Variants in FABP12 observed in about 807,000 individuals in gnomAD.
FABP12 encodes fatty acid-binding protein 12.
FABP12 carries 19 observed loss-of-function variants against 13.7 expected under a neutral mutation model. That is an observed-to-expected ratio of 1.39 (90% CI 0.97 to 2.04). The LOEUF (loss-of-function observed/expected upper bound fraction) is 2.04. FABP12 is among the 30% of genes most tolerant of loss of function. The probability of loss-of-function intolerance (pLI) is 0.00; values close to 1 mark genes in which losing one functional copy is unlikely to be tolerated. For synonymous variants in FABP12, 61 were observed against 57.0 expected (o/e 1.07, Z -0.32); for missense variants, 182 against 164.2 (o/e 1.11, Z -0.59).
chr8:81,529,849 T>C (rs7831647), intron 2 of FABP12, among the ~76,000 whole-genome samples: 52,749 of 152,084 alleles, frequency 0.35, 12,278 homozygotes, highest in African/African-American at 0.68. Flanking sequence ...AAAAAAAATC[T>C]GTCTCTAGTT....
At chr8:81,568,764 T>C (rs912187750) in intron 1 of FABP12, among the ~76,000 whole-genome samples, 1 of 152,198 alleles carries the variant, frequency 6.6e-6, no homozygotes, top group Admixed American at 6.5e-5. Flanking sequence ...AAAGAAAATG[T>C]AGTACATATA....
chr8:81,526,268 G>A (rs1185194047), intron 4 of FABP12: 1 of 152,052 alleles, frequency 6.6e-6, no homozygotes, highest in East Asian at 1.9e-4. Flanking sequence ...ACTCATTTTG[G>A]TATAGGTGGG....
At position 81,526,886 on chromosome 8, in the gene FABP12, T is replaced by G; in HGVS notation, c.348+134A>C. On this transcript the variant is annotated intron_variant, in intron 4 of 4. Transcript: ENST00000360464. ...TAATGCTTACGATTATACATTTATCTCATAATTTTTTTCTCATTCTTTAAA... is the reference window on the plus strand; with the variant it reads ...TAATGCTTACGATTATACATTTATCGCATAATTTTTTTCTCATTCTTTAAA... 5.1e-6 allele frequency: 3 copies of G among 589,974 alleles called. No homozygotes were observed. The Admixed American group carries it at 1.0e-4, about 20-fold the overall frequency. The allele number at this position is 589,974 out of a possible 1,614,324, so 36.5% of individuals were successfully genotyped here. A position where few individuals can be genotyped will look rare whatever the true frequency, so the allele number is the denominator to read the frequency against.
At chr8:81,579,572 C>CT (rs1244010258) in intron 1 of FABP12, among the ~76,000 whole-genome samples, 1 of 152,114 alleles carries the variant, frequency 6.6e-6, no homozygotes, top group Non-Finnish European at 1.5e-5. Context: ...CTTGATTACT[C>CT]TTTGACACTT....
At chr8:81,580,953 A>G (rs377157658) in intron 1 of FABP12, among the ~76,000 whole-genome samples, 2 of 152,316 alleles carry the variant, frequency 1.3e-5, no homozygotes, top group East Asian at 3.9e-4. Context: ...CTGCTTCTCT[A>G]ACATTTTTGA....
chr8:81,575,859 T>G (rs570259799), intron 1 of FABP12, among the ~76,000 whole-genome samples: 26 of 152,276 alleles, frequency 1.7e-4, no homozygotes, highest in African/African-American at 6.3e-4. Flanking sequence ...ATGTGAGGGA[T>G]CTAGGCTGCA....
chr8:81,588,571 T>C lies in FABP12; in HGVS notation c.-185+1482A>G, dbSNP rs539787852. Among the ~76,000 whole-genome samples, 11 of 152,324 alleles carry C rather than the reference T, an allele frequency of 7.2e-5. No homozygotes were observed. In the South Asian group the frequency reaches 2.1e-3, roughly 29 times the overall value. On this transcript the variant is annotated intron_variant, in intron 1 of 5. Coordinates refer to the FABP12 transcript ENST00000692030. Reference sequence around the variant, plus strand: ...TGTGAAGTCTTTATGTCTTTCTAAGTATAAGATCATGCTGTCTGTCAATAA... The same window carrying C: ...TGTGAAGTCTTTATGTCTTTCTAAGCATAAGATCATGCTGTCTGTCAATAA...
At chr8:81,559,970 AT>A in intron 1 of FABP12, among the ~76,000 whole-genome samples, 1 of 152,342 alleles carries the variant, frequency 6.6e-6, no homozygotes. Context: ...ATATGGGAAA[AT>A]AATATGTTCT....
At chr8:81,537,479 A>C (rs1334240676), upstream of FABP12, among the ~76,000 whole-genome samples, 1 of 152,206 alleles carries the variant, frequency 6.6e-6, no homozygotes, top group African/African-American at 2.4e-5. Flanking sequence ...CACTTGGATT[A>C]AAACCATTCT....
intron 1 of FABP12, among the ~76,000 whole-genome samples, chr8:81,563,097 T>G (rs936767556): frequency 3.3e-5 from 5 of 152,196 alleles, no homozygotes; most frequent in Admixed American, 6.5e-5. Flanking sequence ...ATACTTTGTT[T>G]GAGGGAAATG....
intron 1 of FABP12, among the ~76,000 whole-genome samples, chr8:81,560,652 C>T (rs1809707305): frequency 6.6e-6 from 1 of 152,164 alleles, no homozygotes; most frequent in African/African-American, 2.4e-5. Flanking sequence ...TTTATTTCTT[C>T]CAAGTTCCTC....
chr8:81,527,059 G>A, exon 4 of FABP12: 1 of 1,611,716 alleles, frequency 6.2e-7, no homozygotes, highest in Non-Finnish European at 8.5e-7. Flanking sequence ...TCGTTATGGT[G>A]GTTTCTTTGC....
chr8:81,586,627 C>T (rs1435009608), intron 1 of FABP12, among the ~76,000 whole-genome samples: 5 of 152,086 alleles, frequency 3.3e-5, no homozygotes. Flanking sequence ...CCTTGTTGCC[C>T]ACCTGTATGT....
At position 81,526,369 on chromosome 8, in the gene FABP12, A is replaced by T. The variant is rs1167288681; in HGVS notation, c.348+651T>A. The T allele has an allele frequency of 5.9e-5, 9 of 152,206 alleles. No individual in the cohort carries two copies. In the East Asian group the frequency reaches 1.5e-3, roughly 26 times the overall value. 9.4% of individuals were successfully genotyped at this position (152,206 alleles called of 1,614,324 possible). A position where few individuals can be genotyped will look rare whatever the true frequency, so the allele number is the denominator to read the frequency against. ...GGGAAACCATCTGAAAGGGAGCAGG[A>T]TGGATTCTATAAAATATAGAGTGTT... On this transcript the variant is annotated intron_variant, in intron 4 of 4. Coordinates refer to ENST00000360464, the Ensembl canonical transcript of FABP12.
At chr8:81,589,494 C>T (rs1304314023) in intron 1 of FABP12, among the ~76,000 whole-genome samples, 2 of 152,118 alleles carry the variant, frequency 1.3e-5, no homozygotes, top group African/African-American at 2.4e-5. Context: ...TCACAAACAG[C>T]GCTGACCTCC....
At chr8:81,534,374 G>T (rs926281249), upstream of FABP12, among the ~76,000 whole-genome samples, 7 of 152,266 alleles carry the variant, frequency 4.6e-5, no homozygotes, top group East Asian at 7.7e-4. Flanking sequence ...AGTCCCACAA[G>T]AATTTTGATA....
At chr8:81,586,527 T>G (rs1299923181) in intron 1 of FABP12, among the ~76,000 whole-genome samples, 5 of 152,226 alleles carry the variant, frequency 3.3e-5, no homozygotes, top group Non-Finnish European at 7.3e-5. Context: ...TTTTTAATAA[T>G]AGCCATTCTG....
At chr8:81,558,471 C>T (rs750883905) in intron 1 of FABP12, among the ~76,000 whole-genome samples, 12 of 152,184 alleles carry the variant, frequency 7.9e-5, no homozygotes, top group Non-Finnish European at 1.5e-4. Flanking sequence ...GCCCTGCCTA[C>T]CCACTCTCTC....
chr8:81,565,584 A>C (rs1240043676), intron 1 of FABP12, among the ~76,000 whole-genome samples: 1 of 152,058 alleles, frequency 6.6e-6, no homozygotes, highest in Non-Finnish European at 1.5e-5. Context: ...CCAGTGGGTC[A>C]ATGAAAAAAT....
Sources: allele counts gnomAD v4.1 joint callset (sites outside exome capture counted in the v4.1 genomes callset), GRCh38; gene constraint gnomAD v4.1.1; transcripts MANE v1.5; gene names NCBI Gene and HGNC (gene_info 2026-07-23, HGNC 2026-07-21).